Variants in PCDHGA7 observed in about 807,000 individuals in gnomAD.
PCDHGA7 encodes protocadherin gamma-A7.
In PCDHGA7, 44 loss-of-function variants were observed where a neutral mutation model predicts 58.3. The observed-to-expected ratio is 0.75, with a 90% CI of 0.59 to 0.97. PCDHGA7 has a LOEUF of 0.97. Ranked by LOEUF, PCDHGA7 falls within the 50% of genes least tolerant of loss-of-function variation. PCDHGA7 has a pLI of 0.00. For missense variants in PCDHGA7, 1,266 were observed against 1,188.7 expected, an observed-to-expected ratio of 1.06 and a Z score of -0.96; for synonymous variants, 516 against 504.2, an observed-to-expected ratio of 1.02 and a Z score of -0.31.
At chr5:141,394,506 C>T (rs1487868399) in intron 1 of PCDHGA7, 1 of 1,614,096 alleles carries the variant, frequency 6.2e-7, no homozygotes, top group Non-Finnish European at 8.5e-7. Flanking sequence ...GATCCTGTAC[C>T]CCGCCCTCCC....
At chr5:141,471,504 G>A (rs1487198851) in intron 1 of PCDHGA7, 1 of 152,214 alleles carries the variant, frequency 6.6e-6, no homozygotes, top group Non-Finnish European at 1.5e-5. Flanking sequence ...ATGCAAGAGA[G>A]GGAGTAAAAA....
chr5:141,509,516 T>C (rs2099877144), intron 3 of PCDHGA7, among the ~76,000 whole-genome samples: 1 of 152,130 alleles, frequency 6.6e-6, no homozygotes, highest in Non-Finnish European at 1.5e-5. Context: ...GTGTTGATGA[T>C]GTATTGCACA....
intron 2 of PCDHGA7, among the ~76,000 whole-genome samples, chr5:141,501,324 CA>C (rs1311475307): frequency 7.2e-5 from 11 of 151,778 alleles, no homozygotes; most frequent in African/African-American, 1.9e-4. Flanking sequence ...CACACACACA[CA>C]CACACACACC....
chr5:141,394,506 C>G, intron 1 of PCDHGA7: 2 of 1,614,214 alleles, frequency 1.2e-6, no homozygotes, highest in Non-Finnish European at 1.7e-6. Context: ...GATCCTGTAC[C>G]CCGCCCTCCC....
chr5:141,421,734 G>A (rs761780459), intron 1 of PCDHGA7: 1 of 1,613,948 alleles, frequency 6.2e-7, no homozygotes, highest in Non-Finnish European at 8.5e-7. Flanking sequence ...ACTCCCTCCA[G>A]AGCTACCAGC....
intron 1 of PCDHGA7, among the ~76,000 whole-genome samples, chr5:141,460,256 C>T (rs1315761341): frequency 6.6e-6 from 1 of 151,704 alleles, no homozygotes; most frequent in Admixed American, 6.6e-5. Context: ...TTGATAAAGC[C>T]CAATTTATTT....
At chr5:141,454,796 ATTTTTTTTTTTTTTTT>A (rs61612330) in intron 1 of PCDHGA7, among the ~76,000 whole-genome samples, 1 of 77,408 alleles carries the variant, frequency 1.3e-5, no homozygotes, top group East Asian at 4.0e-4. Flanking sequence ...CATGGTTCTA[ATTTTTTTTTTTTTTTT>A]TTTTTTTTTT....
intron 1 of PCDHGA7, among the ~76,000 whole-genome samples, chr5:141,465,785 T>G (rs564238782): frequency 6.6e-6 from 1 of 152,262 alleles, no homozygotes; most frequent in South Asian, 2.1e-4. Flanking sequence ...TACAGTTTTT[T>G]TTTTTTTAAG....
intron 1 of PCDHGA7, chr5:141,400,231 G>C: frequency 6.2e-7 from 1 of 1,613,988 alleles, no homozygotes; most frequent in South Asian, 1.1e-5. Context: ...CTTCCTCCTG[G>C]CCGTGATTCT....
At chr5:141,501,305 A>G (rs2099807563) in intron 2 of PCDHGA7, among the ~76,000 whole-genome samples, 1 of 151,322 alleles carries the variant, frequency 6.6e-6, no homozygotes, top group African/African-American at 2.4e-5. Flanking sequence ...ACACACACAC[A>G]CACACACACA....
chr5:141,477,970 T>G lies in PCDHGA7; in HGVS notation c.2425-16837T>G. ...TCTTGGGATCCCCTAACCAGAGCCTTTTTGCCATAGGGCTGCACACTGGTC... is the reference window on the plus strand; with the variant it reads ...TCTTGGGATCCCCTAACCAGAGCCTGTTTGCCATAGGGCTGCACACTGGTC... On this transcript the variant is annotated intron_variant, in intron 1 of 3. Coordinates refer to ENST00000518325, the MANE Select transcript of PCDHGA7 (RefSeq NM_018920.4). This position sits in a 1 kb window ranked among gnomAD's most constrained non-coding sequence, Gnocchi z 4.9. 1 of 1,614,090 alleles carries G rather than the reference T, an allele frequency of 6.2e-7. No homozygotes were observed. The highest frequency in any genetic ancestry group is 8.5e-7 in the Non-Finnish European group (1 of 1,180,002).
chr5:141,388,026 G>A, intron 1 of PCDHGA7: 1 of 1,446,900 alleles, frequency 6.9e-7, no homozygotes, highest in South Asian at 1.3e-5. Flanking sequence ...CTCCGTAGTG[G>A]GGAACCTCGC....
At chr5:141,404,129 A>C in intron 1 of PCDHGA7, 2 of 1,613,162 alleles carry the variant, frequency 1.2e-6, no homozygotes, top group Non-Finnish European at 1.7e-6. Context: ...TCTATCTTTT[A>C]CATTAGAAAA....
intron 1 of PCDHGA7, chr5:141,397,859 C>T: frequency 1.8e-6 from 1 of 559,674 alleles, no homozygotes. Context: ...CTGTAGTTTC[C>T]TAGTGCTGAC....
intron 1 of PCDHGA7, among the ~76,000 whole-genome samples, chr5:141,483,272 A>T (rs545719861): frequency 4.4e-4 from 67 of 152,196 alleles, no homozygotes; most frequent in African/African-American, 1.4e-3. Flanking sequence ...TGTTTTAGAA[A>T]TATTATTCTG....
chr5:141,399,097 G>GT (rs1217179640), intron 1 of PCDHGA7: 2 of 1,613,816 alleles, frequency 1.2e-6, no homozygotes, highest in Admixed American at 3.3e-5. Flanking sequence ...TGGTGGACTG[G>GT]TTGCACAATG....
chr5:141,413,684 C>T, intron 1 of PCDHGA7: 1 of 1,613,838 alleles, frequency 6.2e-7, no homozygotes, highest in Non-Finnish European at 8.5e-7. Context: ...GGCGTGAACT[C>T]CCTGCAGAGC....
At chr5:141,433,220 T>C (rs781745522) in intron 1 of PCDHGA7, 1 of 1,509,734 alleles carries the variant, frequency 6.6e-7, no homozygotes, top group South Asian at 1.2e-5. Flanking sequence ...TTTTTTTTTT[T>C]AATTGCTCTG....
At chr5:141,408,164 A>C (rs2095051548) in intron 1 of PCDHGA7, 1 of 1,520,458 alleles carries the variant, frequency 6.6e-7, no homozygotes, top group African/African-American at 1.4e-5. Context: ...ACTTTCTCCA[A>C]CTGGAAAAGC....
Sources: allele counts gnomAD v4.1 joint callset (sites outside exome capture counted in the v4.1 genomes callset), GRCh38; gene constraint gnomAD v4.1.1; non-coding constraint Gnocchi (gnomAD v3.1); transcripts MANE v1.5; gene names NCBI Gene and HGNC (gene_info 2026-07-23, HGNC 2026-07-21).